SCN1A: variants seen among roughly 807,000 people sequenced by gnomAD.
SCN1A encodes sodium channel protein type 1 subunit alpha.
In SCN1A, 13 loss-of-function variants were observed where a neutral mutation model predicts 193.7. The ratio of observed to expected loss-of-function variants is 0.07; its 90% CI spans 0.04 to 0.11. The LOEUF (loss-of-function observed/expected upper bound fraction) is 0.11. Ranked by LOEUF, SCN1A falls within the 10% of genes least tolerant of loss-of-function variation. The pLI is 1.00. For synonymous variants in SCN1A, 781 were observed against 843.6 expected (o/e 0.93, Z 1.29); for missense variants, 1,432 against 2,451.1 (o/e 0.58, Z 8.78).
chr2:165,995,170 A>G (rs1559112821), intron 27 of SCN1A, among the ~76,000 whole-genome samples: 1 of 151,844 alleles, frequency 6.6e-6, no homozygotes, highest in Non-Finnish European at 1.5e-5. Flanking sequence ...GAATTTTCCA[A>G]CTTATATTTT....
intron 2 of SCN1A, among the ~76,000 whole-genome samples, chr2:166,117,483 G>A (rs967691620): frequency 2.0e-5 from 3 of 152,178 alleles, no homozygotes; most frequent in Admixed American, 1.3e-4. Flanking sequence ...ATGAATTACA[G>A]TGAAGAATAC....
chr2:166,029,669 C>T (rs1199313906), intron 19 of SCN1A, among the ~76,000 whole-genome samples: 1 of 152,144 alleles, frequency 6.6e-6, no homozygotes, highest in Non-Finnish European at 1.5e-5. Context: ...AACTGCCCAT[C>T]ACCTATTTAT....
At chr2:166,005,088 A>G (rs1398772156) in intron 23 of SCN1A, among the ~76,000 whole-genome samples, 1 of 151,400 alleles carries the variant, frequency 6.6e-6, no homozygotes, top group Non-Finnish European at 1.5e-5. Context: ...CTTATCTGGT[A>G]CCCATATTAC....
intron 2 of SCN1A, among the ~76,000 whole-genome samples, chr2:166,100,633 C>T (rs1687940057): frequency 6.7e-6 from 1 of 148,432 alleles, no homozygotes; most frequent in Admixed American, 6.7e-5. Flanking sequence ...GGCTAATATC[C>T]AGAATCTACA....
At chr2:166,042,546 G>C in intron 14 of SCN1A, 122 bp from the exon 15 acceptor site, 6 of 868,902 alleles carry the variant, frequency 6.9e-6, no homozygotes, top group Non-Finnish European at 9.4e-6. Context: ...TATTCAATTG[G>C]TGATGGCAGA....
At chr2:166,029,072 C>T (rs920229370) in intron 19 of SCN1A, among the ~76,000 whole-genome samples, 5 of 152,046 alleles carry the variant, frequency 3.3e-5, no homozygotes, top group African/African-American at 1.2e-4. Context: ...TAGGGAATTA[C>T]ATTGAATGAA....
chr2:166,104,458 T>C (rs1688472110), intron 2 of SCN1A: 1 of 152,050 alleles, frequency 6.6e-6, no homozygotes, highest in Admixed American at 6.6e-5. Context: ...AAAAAGTAAA[T>C]GGGGCTGGGC....
chr2:166,042,790 AT>A (rs1697334561), intron 14 of SCN1A, among the ~76,000 whole-genome samples: 1 of 152,196 alleles, frequency 6.6e-6, no homozygotes, highest in Admixed American at 6.5e-5. Flanking sequence ...AAGGCACTTG[AT>A]TTTTGAGAAG....
upstream of SCN1A, among the ~76,000 whole-genome samples, chr2:166,129,934 G>A (rs1038227290): frequency 6.6e-5 from 10 of 152,140 alleles, no homozygotes; most frequent in Admixed American, 3.9e-4. Context: ...CCTGGTCAAA[G>A]AGAGCCACTA....
intron 4 of SCN1A, among the ~76,000 whole-genome samples, chr2:166,063,466 G>A (rs2217198): frequency 0.4 from 60,765 of 151,812 alleles, 12,707 homozygotes; most frequent in East Asian, 0.71. Flanking sequence ...TGGCAATTCA[G>A]AATACATGTA....
intron 12 of SCN1A, among the ~76,000 whole-genome samples, chr2:166,045,998 G>T (rs1697781774): frequency 1.3e-5 from 2 of 152,060 alleles, no homozygotes; most frequent in South Asian, 4.1e-4. Flanking sequence ...AATGCTTTTT[G>T]ATTATAGCTT....
At chr2:166,022,036 A>G (rs1694139314) in intron 19 of SCN1A, among the ~76,000 whole-genome samples, 1 of 152,230 alleles carries the variant, frequency 6.6e-6, no homozygotes, top group Non-Finnish European at 1.5e-5. Flanking sequence ...GAACAATTTC[A>G]GCATTATAGC....
chr2:166,133,309 G>T (rs2106289992), intron 1 of SCN1A, among the ~76,000 whole-genome samples: 1 of 152,272 alleles, frequency 6.6e-6, no homozygotes, highest in South Asian at 2.1e-4. Context: ...CTTGTTGGAA[G>T]ATTCACTGCA....
intron 2 of SCN1A, among the ~76,000 whole-genome samples, chr2:166,122,927 A>G (rs1690765952): frequency 6.6e-6 from 1 of 152,194 alleles, no homozygotes; most frequent in Admixed American, 6.5e-5. Context: ...ACCAAAGGAG[A>G]AACAGGCAAT....
chr2:166,101,518 A>G (rs1259629602), intron 2 of SCN1A, among the ~76,000 whole-genome samples: 1 of 152,056 alleles, frequency 6.6e-6, no homozygotes, highest in Admixed American at 6.5e-5. Flanking sequence ...ATTAAAAAAA[A>G]AAAAAAACAG....
intron 25 of SCN1A, among the ~76,000 whole-genome samples, chr2:165,999,309 G>A (rs927427273): frequency 1.3e-5 from 2 of 151,384 alleles, no homozygotes; most frequent in Non-Finnish European, 3.0e-5. Context: ...AAGGCTGACA[G>A]AACAATATCC....
intron 22 of SCN1A, among the ~76,000 whole-genome samples, chr2:166,010,674 C>T (rs1450981138): frequency 1.3e-5 from 2 of 150,936 alleles, no homozygotes; most frequent in Non-Finnish European, 3.0e-5. Context: ...TGGAGAATTC[C>T]GCATATACTG....
intron 13 of SCN1A, among the ~76,000 whole-genome samples, chr2:166,044,468 C>T (rs1288978933): frequency 6.6e-6 from 1 of 152,134 alleles, no homozygotes; most frequent in Non-Finnish European, 1.5e-5. Context: ...TTCAACACTC[C>T]TCACAATTTA....
intron 2 of SCN1A, among the ~76,000 whole-genome samples, chr2:166,108,189 C>T (rs1436368921): frequency 5.3e-5 from 8 of 151,902 alleles, no homozygotes; most frequent in Non-Finnish European, 1.0e-4. Context: ...GACTAATCAA[C>T]GAGCACATCA....
Sources: gnomAD v4.1 joint callset for allele counts (sites outside exome capture counted in the v4.1 genomes callset) on GRCh38, gnomAD v4.1.1 for gene constraint, MANE v1.5 for transcripts, NCBI Gene and HGNC (gene_info 2026-07-23, HGNC 2026-07-21) for gene names.